Variants in MYCT1 observed in about 807,000 individuals in gnomAD.
MYCT1 encodes myc target protein 1.
MYCT1 carries 12 observed loss-of-function variants against 15.0 expected under a neutral mutation model. That is an observed-to-expected ratio of 0.80 (90% CI 0.51 to 1.29). MYCT1 has a LOEUF of 1.29. Ranked by LOEUF, MYCT1 falls within the 50% of genes most tolerant of loss-of-function variation. MYCT1 has a pLI of 0.00. For synonymous variants in MYCT1, 104 were observed against 102.7 expected (o/e 1.01, Z -0.07); for missense variants, 287 against 279.1 (o/e 1.03, Z -0.20).
At chr6:152,698,671 A>G (rs886234263) in intron 1 of MYCT1, among the ~76,000 whole-genome samples, 15 of 152,256 alleles carry the variant, frequency 9.9e-5, no homozygotes, top group African/African-American at 2.2e-4. Flanking sequence ...ACTTTAGAGT[A>G]TAACAAATAA....
At chr6:152,727,897 C>T (rs957368806), downstream of MYCT1, among the ~76,000 whole-genome samples, 1 of 152,128 alleles carries the variant, frequency 6.6e-6, no homozygotes, top group Non-Finnish European at 1.5e-5. Context: ...GGTGTGGTGG[C>T]TCACGCCTGT....
At position 152,714,305 on chromosome 6, in the gene MYCT1, C is replaced by CT. The variant is rs5880998; in HGVS notation, c.197-7421dup. On this transcript the variant is annotated intron_variant, in intron 1 of 1. Transcript: ENST00000367245. ...ATAATTTCCTCTATTTTTTCTTTTT[C>CT]TTTTTTTTTTTTTTTTGCCCCTGTT... is the stretch of plus-strand genomic sequence containing the variant. Among the ~76,000 whole-genome samples, 654 of 120,004 alleles carry CT rather than the reference C, an allele frequency of 5.4e-3. 5 individuals carry two copies. Among genetic ancestry groups the CT allele is most frequent in the African/African-American group, 0.016 (518 of 31,780 alleles). The allele number at this position is 120,004 out of a possible 152,430, so 78.7% of individuals were successfully genotyped here. A position where few individuals can be genotyped will look rare whatever the true frequency, so the allele number is the denominator to read the frequency against.
chr6:152,729,041 T>G (rs1462413950), downstream of MYCT1, among the ~76,000 whole-genome samples: 3 of 152,190 alleles, frequency 2.0e-5, no homozygotes, highest in African/African-American at 7.2e-5. Flanking sequence ...ACGGTGTGAT[T>G]TGTGGAGAAT....
the MYCT1 span, among the ~76,000 whole-genome samples, chr6:152,745,538 G>A: frequency 3.3e-5 from 5 of 152,162 alleles, no homozygotes; most frequent in Non-Finnish European, 5.9e-5. Flanking sequence ...TATCATTTCA[G>A]ATTTTCTGTC....
intron 1 of MYCT1, among the ~76,000 whole-genome samples, chr6:152,701,260 G>A (rs1278942290): frequency 6.6e-6 from 1 of 152,158 alleles, no homozygotes; most frequent in Non-Finnish European, 1.5e-5. Context: ...TAGGCAATGT[G>A]TTAGGAGTCA....
chr6:152,728,680 G>T (rs1377805392), downstream of MYCT1, among the ~76,000 whole-genome samples: 1 of 152,052 alleles, frequency 6.6e-6, no homozygotes, highest in Non-Finnish European at 1.5e-5. Context: ...AGGATCACTT[G>T]AGCTCAGGAG....
At chr6:152,704,002 TTTA>T (rs2099721811) in intron 1 of MYCT1, among the ~76,000 whole-genome samples, 1 of 106,738 alleles carries the variant, frequency 9.4e-6, no homozygotes, top group Non-Finnish European at 2.1e-5. Context: ...TTTATTTTAT[TTTA>T]TTTTATTTTT....
intron 1 of MYCT1, among the ~76,000 whole-genome samples, chr6:152,715,799 G>A (rs2099723545): frequency 6.6e-6 from 1 of 152,124 alleles, no homozygotes; most frequent in African/African-American, 2.4e-5. Context: ...CCCTAAGTCA[G>A]GAGCCAGCCC....
chr6:152,698,110 T>C lies in MYCT1; in HGVS notation c.196+12T>C, dbSNP rs774998679. 3.5e-5 allele frequency: 52 copies of C among 1,491,474 alleles called. No individual in the cohort carries two copies. The African/African-American group carries it at 7.1e-4, about 20-fold the overall frequency. The allele number at this position is 1,491,474 out of a possible 1,614,324, so 92.4% of individuals were successfully genotyped here. ...AGAAAACTTTTGGGGTAAGGTATTTTCTTTTACTGTTTAAAATTTAAAATT... is the reference window on the plus strand; with the variant it reads ...AGAAAACTTTTGGGGTAAGGTATTTCCTTTTACTGTTTAAAATTTAAAATT... On this transcript the variant is annotated intron_variant, in intron 1 of 1. Transcript: ENST00000367245.
chr6:152,726,393 G>A (rs2099725660), downstream of MYCT1, among the ~76,000 whole-genome samples: 1 of 100,978 alleles, frequency 9.9e-6, no homozygotes, highest in South Asian at 3.6e-4. Context: ...ACAAAACTCT[G>A]TCTAAAAAAA....
At chr6:152,735,952 G>T in the MYCT1 span, among the ~76,000 whole-genome samples, 1 of 151,140 alleles carries the variant, frequency 6.6e-6, no homozygotes, top group Non-Finnish European at 1.5e-5. Context: ...TTTCCTCTTT[G>T]CATTGTTATA....
At chr6:152,746,262 C>G in the MYCT1 span, among the ~76,000 whole-genome samples, 4 of 152,168 alleles carry the variant, frequency 2.6e-5, no homozygotes, top group Admixed American at 6.5e-5. Context: ...CTCCCAACAC[C>G]CCGGCAGACG....
chr6:152,714,987 C>T (rs922228501), intron 1 of MYCT1, among the ~76,000 whole-genome samples: 1 of 151,818 alleles, frequency 6.6e-6, no homozygotes, highest in South Asian at 2.1e-4. Flanking sequence ...GGAGTAGATC[C>T]TAGGGGGCCT....
chr6:152,738,106 A>G, the MYCT1 span, among the ~76,000 whole-genome samples: 10 of 152,238 alleles, frequency 6.6e-5, no homozygotes, highest in South Asian at 2.1e-3. Flanking sequence ...ATTAAGGGAC[A>G]TAAAAACAGC....
chr6:152,730,207 A>G, the MYCT1 span, among the ~76,000 whole-genome samples: 1 of 152,148 alleles, frequency 6.6e-6, no homozygotes, highest in East Asian at 1.9e-4. Flanking sequence ...CTCCCTTCAC[A>G]TTTATCTAAC....
At position 152,698,847 on chromosome 6, in the gene MYCT1, G is replaced by T. The variant is rs192090130; in HGVS notation, c.196+749G>T. The stretch of plus-strand genomic sequence containing the variant: ...TGTCTGAGTCCAGCCACAGCTAACA[G>T]TCCAGTGTTCCCTGATGTTGACAAT... On this transcript the variant is annotated intron_variant, in intron 1 of 1. Coordinates refer to ENST00000367245, the MANE Select transcript of MYCT1 (RefSeq NM_025107.3). 6.1e-3 allele frequency among the ~76,000 whole-genome samples: 923 copies of T among 152,238 alleles called. 5 individuals are homozygous for T. The highest frequency in any genetic ancestry group is 9.3e-3 in the Non-Finnish European group (631 of 68,016).
At chr6:152,725,039 C>T (rs1156583783), downstream of MYCT1, among the ~76,000 whole-genome samples, 2 of 151,546 alleles carry the variant, frequency 1.3e-5, no homozygotes, top group Non-Finnish European at 2.9e-5. Flanking sequence ...TTTAGCAAAT[C>T]TATGAAATAG....
At chr6:152,719,512 T>A (rs2099724310) in intron 1 of MYCT1, among the ~76,000 whole-genome samples, 1 of 152,198 alleles carries the variant, frequency 6.6e-6, no homozygotes, top group Non-Finnish European at 1.5e-5. Context: ...ATTTCCTTTA[T>A]TGGGATGTTT....
the MYCT1 span, among the ~76,000 whole-genome samples, chr6:152,732,908 A>G: frequency 6.6e-6 from 1 of 152,238 alleles, no homozygotes; most frequent in South Asian, 2.1e-4. Flanking sequence ...AAGGTGAGCT[A>G]AAGTTAAAAC....
Sources: gnomAD v4.1 joint callset for allele counts (sites outside exome capture counted in the v4.1 genomes callset) on GRCh38, gnomAD v4.1.1 for gene constraint, MANE v1.5 for transcripts, NCBI Gene and HGNC (gene_info 2026-07-23, HGNC 2026-07-21) for gene names.